The following DHX29 variants were observed in gnomAD, a reference collection of about 807,000 sequenced individuals.
The protein encoded by DHX29 is ATP-dependent RNA helicase DHX29.
Under a neutral mutation model 167.9 loss-of-function variants are expected in DHX29, and 79 were observed. The ratio of observed to expected loss-of-function variants is 0.47; its 90% CI spans 0.39 to 0.57. The LOEUF (loss-of-function observed/expected upper bound fraction) is 0.57. DHX29 is among the 20% of genes least tolerant of loss of function. The pLI is 0.00. For missense variants in DHX29, 1,347 were observed against 1,593.4 expected (o/e 0.85, Z 2.63); for synonymous variants, 530 against 546.0 (o/e 0.97, Z 0.41).
At chr5:55,304,848 T>C (rs979537345) in intron 1 of DHX29, among the ~76,000 whole-genome samples, 13 of 152,310 alleles carry the variant, frequency 8.5e-5, no homozygotes, top group South Asian at 6.2e-4. Context: ...GTAGAACCAT[T>C]ACATCTACAT....
intron 24 of DHX29, among the ~76,000 whole-genome samples, chr5:55,261,903 A>G (rs2111784848): frequency 6.6e-6 from 1 of 152,304 alleles, no homozygotes; most frequent in Non-Finnish European, 1.5e-5. Flanking sequence ...AGTTTGATAA[A>G]TGTTGAGAGT....
intron 6 of DHX29, among the ~76,000 whole-genome samples, chr5:55,290,577 A>G (rs1377415913): frequency 2.0e-5 from 3 of 152,250 alleles, no homozygotes; most frequent in African/African-American, 7.2e-5. Context: ...CATATATGAC[A>G]CATCTCTACA....
Position 55,291,955 on chromosome 5 carries a change from G to C in DHX29, c.781-1611C>G, listed in dbSNP as rs555120371. ...GGTACTGGATTGCTTCCACGTTTTA[G>C]CTATTGTGAATAATGCTGCTATGAA... On this transcript the variant is annotated intron_variant, in intron 6 of 26. Transcript: ENST00000251636. 1.6e-4 allele frequency among the ~76,000 whole-genome samples: 25 copies of C among 152,188 alleles called. No individual in the cohort carries two copies. The East Asian group carries it at 4.6e-3, about 28-fold the overall frequency.
chr5:55,260,709 A>C (rs1176578378), intron 25 of DHX29, among the ~76,000 whole-genome samples: 2 of 152,214 alleles, frequency 1.3e-5, no homozygotes, highest in Non-Finnish European at 2.9e-5. Flanking sequence ...TCACCTCTCC[A>C]GTCCTAGACA....
chr5:55,259,796 GTACACA>G (rs1561131812), intron 26 of DHX29, 46 bp downstream of exon 26: 10 of 1,058,788 alleles, frequency 9.4e-6, no homozygotes, highest in Non-Finnish European at 1.3e-5. Flanking sequence ...ATAGGTATGT[GTACACA>G]TACACATATG....
In DHX29 at chr5:55,298,679, A is replaced by G; in HGVS notation, c.188-15T>C. 8.0e-7 allele frequency: 1 copy of G among 1,246,740 alleles called. No individual in the cohort carries two copies. The highest frequency in any genetic ancestry group is 1.2e-6 in the Non-Finnish European group (1 of 853,616). The allele number at this position is 1,246,740 out of a possible 1,614,324, so 77.2% of individuals were successfully genotyped here. On this transcript the variant is annotated splice_polypyrimidine_tract_variant and intron_variant, in intron 1 of 26. Transcript: ENST00000251636. ...AATTTTTGGACCTGTAAATACAAAT[A>G]GACAAGGCAATTTAATGATTAATAT...
At chr5:55,272,710 G>C (rs1475352100) in intron 17 of DHX29, among the ~76,000 whole-genome samples, 1 of 152,118 alleles carries the variant, frequency 6.6e-6, no homozygotes, top group Admixed American at 6.5e-5. Context: ...TCCAGCCTGG[G>C]CAACAAGGCT....
intron 8 of DHX29, among the ~76,000 whole-genome samples, chr5:55,288,607 T>A (rs1747868465): frequency 6.6e-6 from 1 of 152,160 alleles, no homozygotes; most frequent in African/African-American, 2.4e-5. Flanking sequence ...TAAAATGCAA[T>A]CTGATAAATA....
At position 55,281,516 on chromosome 5, in the gene DHX29, C is replaced by A; in HGVS notation, c.1966-1G>T. The A allele has an allele frequency of 6.4e-7, 1 of 1,572,460 alleles. No homozygotes were observed. The highest frequency in any genetic ancestry group is 8.6e-7 in the Non-Finnish European group (1 of 1,160,890). On this transcript the variant is annotated splice_acceptor_variant, in intron 11 of 26. Transcript: ENST00000251636. LOFTEE classifies it high-confidence loss of function. ...GGATCTGATATCCACACAAGGAATTCTAAAGGGAGAACATAAGGCCTTGAT... is the reference window on the plus strand; with the variant it reads ...GGATCTGATATCCACACAAGGAATTATAAAGGGAGAACATAAGGCCTTGAT...
chr5:55,290,844 G>A (rs1579805265), intron 6 of DHX29, among the ~76,000 whole-genome samples: 1 of 152,040 alleles, frequency 6.6e-6, no homozygotes, highest in Non-Finnish European at 1.5e-5. Context: ...GTAAAACCCC[G>A]TCTCTACCAA....
At chr5:55,296,581 C>T (rs1452398576) in intron 3 of DHX29, among the ~76,000 whole-genome samples, 1 of 152,104 alleles carries the variant, frequency 6.6e-6, no homozygotes, top group Admixed American at 6.5e-5. Context: ...TCCAAAGATA[C>T]TAAATGTAGT....
rs779226702 is a variant in DHX29 at position 55,283,647 on chromosome 5, TTGTTGCTGC to T, written c.1512_1520del (p.Gln506_Gln508del). 27 of 1,614,020 alleles carry T rather than the reference TTGTTGCTGC, an allele frequency of 1.7e-5. No individual in the cohort carries two copies. The highest frequency in any genetic ancestry group is 3.3e-5 in the Admixed American group (2 of 60,004). Reference sequence around the variant, plus strand: ...TTTCTCTCTTATTTTCAGAATGCTGTTGTTGCTGCTGTTGCTGCTGTTTCAGTTTATTCA... The same window carrying T: ...TTTCTCTCTTATTTTCAGAATGCTGTTGTTGCTGCTGTTTCAGTTTATTCA... On this transcript the variant is annotated inframe_deletion, in exon 11 of 27. Transcript: ENST00000251636.
intron 6 of DHX29, among the ~76,000 whole-genome samples, chr5:55,291,712 C>G (rs2111938901): frequency 6.6e-6 from 1 of 152,344 alleles, no homozygotes; most frequent in East Asian, 1.9e-4. Context: ...TGGCAACCAC[C>G]ATTCTACTTT....
chr5:55,302,571 T>C (rs1748656839), intron 1 of DHX29, among the ~76,000 whole-genome samples: 1 of 131,262 alleles, frequency 7.6e-6, no homozygotes, highest in Non-Finnish European at 1.6e-5. Context: ...AGTGAGCCAC[T>C]GGGCGACAGA....
chr5:55,285,764 C>T lies in DHX29; in HGVS notation c.1164G>A (p.Arg388=), dbSNP rs769708768. ...SPKQFLIDWV[R]KNLPKSPNPS... is the part of the protein sequence containing the mutation. ...GATTTGGACTCTTGGGAAGATTCTT[C>T]CTGACCCAATCAATCAGAAATTGTT... Residue 388 remains arginine, a synonymous_variant, in exon 9 of 27, where the codon AGG becomes AGA. Transcript: ENST00000251636. The T allele has an allele frequency of 5.2e-5, 84 of 1,605,486 alleles. 1 individual carries two copies. The South Asian group carries it at 8.8e-4, about 17-fold the overall frequency.
At chr5:55,272,499 G>A (rs760805831) in intron 17 of DHX29, among the ~76,000 whole-genome samples, 12 of 152,164 alleles carry the variant, frequency 7.9e-5, no homozygotes, top group Non-Finnish European at 1.6e-4. Flanking sequence ...TTGGGAGGCC[G>A]AGGCGGGAGG....
chr5:55,261,379 T>C lies in DHX29; in HGVS notation c.3949A>G (p.Ile1317Val). 6.3e-7 allele frequency: 1 copy of C among 1,578,444 alleles called. No individual in the cohort carries two copies. The highest frequency in any genetic ancestry group is 8.7e-7 in the Non-Finnish European group (1 of 1,153,324). ...RERLLSIDGWIYFQAPVKIAV... is the reference protein window; with the variant it reads ...RERLLSIDGWVYFQAPVKIAV... ...GTTGTACTATGTACCTGAAAATAGA[T>C]CCAGCCATCAATAGAAAGAAGACGT... is the stretch of plus-strand genomic sequence containing the variant. The change falls in exon 25 of 27, where the codon ATC becomes GTC. Residue 1317 changes from isoleucine (I) to valine (V), a missense_variant. Physicochemically the swap from Ile to Val is conservative, Grantham distance 29 (BLOSUM62 3). This residue lies in a region of DHX29 where 882 missense variants were observed against 1,082.4 expected (regional missense o/e 0.81). Coordinates refer to ENST00000251636, the MANE Select transcript of DHX29 (RefSeq NM_019030.4).
chr5:55,274,769 A>C (rs569154425), intron 15 of DHX29, 38 bp from the exon 16 acceptor site: 3 of 1,566,856 alleles, frequency 1.9e-6, no homozygotes, highest in South Asian at 2.4e-5. Context: ...CAAAATAAGA[A>C]GATAAGGAAC....
rs369600455 is a variant in DHX29 at position 55,256,473 on chromosome 5, C to T, written c.*15G>A. 2.5e-6 allele frequency: 4 copies of T among 1,582,898 alleles called. No individual in the cohort carries two copies. Among genetic ancestry groups the T allele is most frequent in the South Asian group, 1.2e-5 (1 of 84,888 alleles). ...TCATCTTAATTTTTAAAGCAGTTGA[C>T]CATGAATTTCAGTTTCAGTTATTCT... is the stretch of plus-strand genomic sequence containing the variant. On this transcript the variant is annotated 3_prime_UTR_variant, in exon 27 of 27. Coordinates refer to ENST00000251636, the MANE Select transcript of DHX29 (RefSeq NM_019030.4).
Sources: allele counts gnomAD v4.1 joint callset (sites outside exome capture counted in the v4.1 genomes callset), GRCh38; gene constraint gnomAD v4.1.1; regional missense constraint gnomAD v4.1.1; transcripts MANE v1.5; gene names NCBI Gene and HGNC (gene_info 2026-07-23, HGNC 2026-07-21).